The following EFCAB6 variants were observed in gnomAD, a reference collection of about 807,000 sequenced individuals.
EFCAB6 encodes EF-hand calcium binding domain 6.
A neutral mutation model predicts 169.8 loss-of-function variants in EFCAB6; 156 were observed. The observed-to-expected ratio is 0.92, with a 90% CI of 0.81 to 1.05. The LOEUF (loss-of-function observed/expected upper bound fraction) is 1.05. Ranked by LOEUF, EFCAB6 falls within the 50% of genes least tolerant of loss-of-function variation. EFCAB6 has a pLI of 0.00. For synonymous variants in EFCAB6, 698 were observed against 676.4 expected (o/e 1.03, Z -0.50); for missense variants, 1,800 against 1,829.1 (o/e 0.98, Z 0.29).
At chr22:43,646,149 G>C (rs559103906) in intron 17 of EFCAB6, among the ~76,000 whole-genome samples, 14 of 152,164 alleles carry the variant, frequency 9.2e-5, no homozygotes, top group Non-Finnish European at 4.4e-5. Context: ...CAAATCTGTC[G>C]TTCAAAGGGT....
chr22:43,727,501 G>C (rs534940691), intron 8 of EFCAB6, among the ~76,000 whole-genome samples: 1 of 152,252 alleles, frequency 6.6e-6, no homozygotes, highest in Non-Finnish European at 1.5e-5. Flanking sequence ...GAATGTAAAA[G>C]AAAATATATT....
At chr22:43,616,395 G>A (rs1356038414) in intron 20 of EFCAB6, among the ~76,000 whole-genome samples, 1 of 152,244 alleles carries the variant, frequency 6.6e-6, no homozygotes, top group Non-Finnish European at 1.5e-5. Context: ...GGGTGCAGTG[G>A]CTCACGCCTG....
chr22:43,595,947 A>G (rs1343299488), intron 23 of EFCAB6, among the ~76,000 whole-genome samples: 1 of 152,188 alleles, frequency 6.6e-6, no homozygotes, highest in African/African-American at 2.4e-5. Context: ...TTCAACATAC[A>G]CAAATTAATA....
intron 6 of EFCAB6, among the ~76,000 whole-genome samples, chr22:43,737,329 CAT>C (rs2060178849): frequency 6.8e-6 from 1 of 146,962 alleles, no homozygotes; most frequent in Non-Finnish European, 1.5e-5. Flanking sequence ...CACACACACA[CAT>C]ATTCATACAC....
At position 43,671,977 on chromosome 22, in the gene EFCAB6, T is replaced by C. The variant is rs1343196828; in HGVS notation, c.1636A>G (p.Ile546Val). ...FCPFLTNAHF[I>V]KLCSKIQDIG... Reference sequence around the variant, plus strand: ...ATTTTGTTACAAAAAACTTACTTTATGAAATGTGCATTCGTTAAAAATGGA... The same window carrying C: ...ATTTTGTTACAAAAAACTTACTTTACGAAATGTGCATTCGTTAAAAATGGA... Residue 546 changes from isoleucine (I) to valine (V), a missense_variant, in exon 15 of 32, where the codon ATA (isoleucine) becomes GTA (valine). Transcript: ENST00000262726. 1.2e-6 allele frequency: 2 copies of C among 1,611,752 alleles called. No individual in the cohort carries two copies. Among genetic ancestry groups the C allele is most frequent in the Admixed American group, 1.7e-5 (1 of 59,480 alleles).
chr22:43,714,818 C>A (rs1262538756), intron 9 of EFCAB6, among the ~76,000 whole-genome samples: 1 of 152,078 alleles, frequency 6.6e-6, no homozygotes, highest in Non-Finnish European at 1.5e-5. Context: ...CAATGAAATC[C>A]AGCCAACCAA....
intron 26 of EFCAB6, among the ~76,000 whole-genome samples, chr22:43,566,998 G>T (rs572958501): frequency 1.2e-4 from 19 of 152,040 alleles, no homozygotes; most frequent in African/African-American, 4.6e-4. Flanking sequence ...AGGAAGCCCC[G>T]TCTCCTGGTA....
intron 19 of EFCAB6, among the ~76,000 whole-genome samples, chr22:43,629,037 G>T (rs73172073): frequency 0.077 from 11,722 of 152,212 alleles, 573 homozygotes; most frequent in South Asian, 0.17. Flanking sequence ...CGTGGGCCCT[G>T]ACACCCAGGT....
chr22:43,588,993 A>AG (rs1022794955), intron 24 of EFCAB6, among the ~76,000 whole-genome samples: 2 of 152,122 alleles, frequency 1.3e-5, no homozygotes, highest in Non-Finnish European at 2.9e-5. Flanking sequence ...ACGGAGGCTG[A>AG]GGGGGCTGAG....
intron 2 of EFCAB6, among the ~76,000 whole-genome samples, chr22:43,798,445 T>G (rs2062590578): frequency 6.6e-6 from 1 of 152,104 alleles, no homozygotes; most frequent in South Asian, 2.1e-4. Flanking sequence ...GGCCCTAAAT[T>G]TCAGTTCAAA....
At chr22:43,569,577 C>A (rs1251015615) in intron 26 of EFCAB6, among the ~76,000 whole-genome samples, 1 of 152,218 alleles carries the variant, frequency 6.6e-6, no homozygotes, top group Non-Finnish European at 1.5e-5. Context: ...CGTGATGATG[C>A]CTGTAGGCCC....
rs1221210849 is a variant in EFCAB6 at position 43,655,770 on chromosome 22, G to C, written c.1983+11334C>G. Among the ~76,000 whole-genome samples the C allele has an allele frequency of 2.0e-5, 3 of 152,068 alleles. No individual in the cohort carries two copies. The East Asian group carries it at 5.8e-4, about 29-fold the overall frequency. On this transcript the variant is annotated intron_variant, in intron 17 of 31. Coordinates refer to ENST00000262726, the MANE Select transcript of EFCAB6 (RefSeq NM_022785.4). Reference sequence around the variant, plus strand: ...GAGACTTGCTCTCAATAAGTAACCAGATAGTTTGAAAGCAAAAGGATAGAA... The same window carrying C: ...GAGACTTGCTCTCAATAAGTAACCACATAGTTTGAAAGCAAAAGGATAGAA...
chr22:43,544,662 T>C (rs1278741109), intron 27 of EFCAB6, among the ~76,000 whole-genome samples: 1 of 151,978 alleles, frequency 6.6e-6, no homozygotes, highest in Non-Finnish European at 1.5e-5. Flanking sequence ...CGTGGGGACA[T>C]CCTTTCTGGT....
At chr22:43,639,832 C>T (rs944108045) in intron 17 of EFCAB6, among the ~76,000 whole-genome samples, 1 of 152,092 alleles carries the variant, frequency 6.6e-6, no homozygotes. Flanking sequence ...CTCTTTCTCT[C>T]TCTTTTAAAA....
At chr22:43,699,185 G>C (rs935982716) in intron 10 of EFCAB6, among the ~76,000 whole-genome samples, 3 of 152,108 alleles carry the variant, frequency 2.0e-5, no homozygotes, top group Admixed American at 6.5e-5. Context: ...GCTTTAACTG[G>C]ACTCTCATGC....
At chr22:43,549,371 T>C (rs1262889124) in intron 27 of EFCAB6, among the ~76,000 whole-genome samples, 7 of 152,132 alleles carry the variant, frequency 4.6e-5, no homozygotes, top group Admixed American at 3.3e-4. Flanking sequence ...TAAGTATAGA[T>C]TCAGCAGAGA....
chr22:43,633,296 TC>T, intron 18 of EFCAB6, among the ~76,000 whole-genome samples: 1 of 152,338 alleles, frequency 6.6e-6, no homozygotes, highest in Middle Eastern at 3.4e-3. Flanking sequence ...ACGCCTGTAA[TC>T]CCAGCACTTT....
chr22:43,695,155 T>A (rs976960734), intron 10 of EFCAB6, among the ~76,000 whole-genome samples: 2 of 151,998 alleles, frequency 1.3e-5, no homozygotes, highest in Admixed American at 1.3e-4. Flanking sequence ...TTTAATAAAG[T>A]CATGATATTC....
In EFCAB6 at chr22:43,677,882, A is replaced by C. The variant is rs2057833221; in HGVS notation, c.1419+114T>G. On this transcript the variant is annotated intron_variant, in intron 13 of 31. Coordinates refer to ENST00000262726, the MANE Select transcript of EFCAB6 (RefSeq NM_022785.4). ...CCTCACTTAAAATGATTGAGTTGAAAACTGTAAAGTCGTTAATTTATTTAA... is the reference window on the plus strand; with the variant it reads ...CCTCACTTAAAATGATTGAGTTGAACACTGTAAAGTCGTTAATTTATTTAA... The C allele has an allele frequency of 9.1e-6, 10 of 1,095,868 alleles. No homozygotes were observed. The South Asian group carries it at 1.8e-4, about 20-fold the overall frequency. 67.9% of individuals were successfully genotyped at this position (1,095,868 alleles called of 1,614,324 possible). A position where few individuals can be genotyped will look rare whatever the true frequency, so the allele number is the denominator to read the frequency against.
Sources: allele counts gnomAD v4.1 joint callset (sites outside exome capture counted in the v4.1 genomes callset), GRCh38; gene constraint gnomAD v4.1.1; transcripts MANE v1.5; gene names NCBI Gene and HGNC (gene_info 2026-07-23, HGNC 2026-07-21).